Variants in KCNH7 observed in about 807,000 individuals in gnomAD.
KCNH7 encodes the protein potassium voltage-gated channel subfamily H member 7.
In KCNH7, 49 loss-of-function variants were observed where a neutral mutation model predicts 120.8. The observed-to-expected ratio is 0.41, with a 90% CI of 0.32 to 0.51. The LOEUF is 0.51. KCNH7 is among the 20% of genes least tolerant of loss of function. The probability of loss-of-function intolerance (pLI) is 0.38; values close to 1 mark genes in which losing one functional copy is unlikely to be tolerated. For synonymous variants in KCNH7, 547 were observed against 516.1 expected, an observed-to-expected ratio of 1.06 and a Z score of -0.81; for missense variants, 1,097 against 1,446.6, an observed-to-expected ratio of 0.76 and a Z score of 3.92.
chr2:162,389,428 C>A (rs1022478610), intron 12 of KCNH7, among the ~76,000 whole-genome samples: 10 of 151,932 alleles, frequency 6.6e-5, no homozygotes, highest in Admixed American at 2.6e-4. Flanking sequence ...AGGCTACTTG[C>A]CGACTTTATT....
intron 2 of KCNH7, among the ~76,000 whole-genome samples, chr2:162,598,653 A>G (rs562905709): frequency 6.6e-6 from 1 of 152,246 alleles, no homozygotes; most frequent in Non-Finnish European, 1.5e-5. Flanking sequence ...TGTATTTATA[A>G]CTATAAAAGC....
chr2:162,730,274 G>T (rs1377748761), intron 2 of KCNH7, among the ~76,000 whole-genome samples: 1 of 150,688 alleles, frequency 6.6e-6, no homozygotes, highest in Admixed American at 6.6e-5. Context: ...ATGATTGAGG[G>T]TTTCCCAGAA....
intron 6 of KCNH7, among the ~76,000 whole-genome samples, chr2:162,470,590 G>A (rs1298609279): frequency 5.9e-5 from 9 of 151,380 alleles, no homozygotes; most frequent in Non-Finnish European, 1.0e-4. Flanking sequence ...GTCAGCCCCC[G>A]CCAGGCCGGC....
intron 2 of KCNH7, among the ~76,000 whole-genome samples, chr2:162,615,843 T>C (rs959417211): frequency 6.6e-6 from 1 of 152,184 alleles, no homozygotes; most frequent in Non-Finnish European, 1.5e-5. Flanking sequence ...TGCAGAAATG[T>C]ACTAATGATC....
chr2:162,695,309 T>C (rs1463001470), intron 2 of KCNH7, among the ~76,000 whole-genome samples: 1 of 152,150 alleles, frequency 6.6e-6, no homozygotes, highest in Non-Finnish European at 1.5e-5. Context: ...TAGTAACCAG[T>C]TATTGGATTT....
At chr2:162,410,310 A>G (rs1687347820) in intron 9 of KCNH7, among the ~76,000 whole-genome samples, 1 of 152,112 alleles carries the variant, frequency 6.6e-6, no homozygotes, top group African/African-American at 2.4e-5. Context: ...CAAAGCTGAC[A>G]ATAACAAACA....
chr2:162,439,270 T>C (rs183934136), intron 7 of KCNH7, among the ~76,000 whole-genome samples: 96 of 152,250 alleles, frequency 6.3e-4, no homozygotes, highest in Admixed American at 4.1e-3. Flanking sequence ...TAGAAAAATA[T>C]TGTCTGTTTA....
intron 2 of KCNH7, among the ~76,000 whole-genome samples, chr2:162,621,098 A>G (rs567347545): frequency 6.6e-5 from 10 of 151,898 alleles, no homozygotes; most frequent in African/African-American, 1.7e-4. Flanking sequence ...TGGTGTGTGT[A>G]TATATTCATT....
At chr2:162,501,848 A>G (rs2105746661) in intron 6 of KCNH7, 1 of 152,220 alleles carries the variant, frequency 6.6e-6, no homozygotes, top group Non-Finnish European at 1.5e-5. Context: ...TGGTGGGTAC[A>G]CAAACATTAG....
intron 9 of KCNH7, among the ~76,000 whole-genome samples, chr2:162,416,808 G>C (rs796315402): frequency 6.6e-6 from 1 of 152,080 alleles, no homozygotes; most frequent in South Asian, 2.1e-4. Flanking sequence ...TAAGGTGAAC[G>C]TAGAGTTATG....
At chr2:162,522,130 T>G (rs999857241) in intron 3 of KCNH7, among the ~76,000 whole-genome samples, 4 of 151,940 alleles carry the variant, frequency 2.6e-5, no homozygotes, top group African/African-American at 4.8e-5. Context: ...TAATAACTTT[T>G]ATATGCTCAA....
intron 2 of KCNH7, among the ~76,000 whole-genome samples, chr2:162,731,397 T>C (rs1048648028): frequency 6.6e-6 from 1 of 151,208 alleles, no homozygotes; most frequent in Non-Finnish European, 1.5e-5. Flanking sequence ...TAAAAGAAAA[T>C]AAAAGGTAAA....
intron 2 of KCNH7, among the ~76,000 whole-genome samples, chr2:162,596,079 A>C (rs1694369467): frequency 6.6e-6 from 1 of 152,050 alleles, no homozygotes; most frequent in Admixed American, 6.6e-5. Flanking sequence ...AGAGGAAAGA[A>C]ATTCTGTGTC....
intron 2 of KCNH7, chr2:162,796,134 G>C (rs1684137505): frequency 6.6e-6 from 1 of 152,046 alleles, no homozygotes; most frequent in Non-Finnish European, 1.5e-5. Flanking sequence ...CAAAGAAACA[G>C]CATGGAAACT....
At chr2:162,695,846 A>G (rs973732540) in intron 2 of KCNH7, among the ~76,000 whole-genome samples, 1 of 152,166 alleles carries the variant, frequency 6.6e-6, no homozygotes, top group African/African-American at 2.4e-5. Context: ...ATGTCCATAT[A>G]AAAGTGGGGT....
chr2:162,691,287 A>G (rs904465300), intron 2 of KCNH7, among the ~76,000 whole-genome samples: 1 of 152,150 alleles, frequency 6.6e-6, no homozygotes. Flanking sequence ...ATTTAACTTC[A>G]TGGACTCCAT....
intron 2 of KCNH7, among the ~76,000 whole-genome samples, chr2:162,665,437 A>C (rs1685101021): frequency 6.6e-6 from 1 of 152,150 alleles, no homozygotes; most frequent in African/African-American, 2.4e-5. Context: ...CAAGATTTTA[A>C]ATATAGCTCA....
chr2:162,371,593 T>C lies in KCNH7; in HGVS notation c.*236A>G, dbSNP rs1470308721. The stretch of plus-strand genomic sequence containing the variant: ...TGATTTAAAAAATAAAAATAAAAAA[T>C]AAGGTGCCGTGAGATGCTGGCAGTT... On this transcript the variant is annotated 3_prime_UTR_variant, in exon 16 of 16. Coordinates refer to ENST00000332142, the MANE Select transcript of KCNH7 (RefSeq NM_033272.4). The C allele has an allele frequency of 9.3e-6, 8 of 861,616 alleles. No homozygotes were observed. In the Admixed American group the frequency reaches 9.9e-5, roughly 11 times the overall value. The allele number at this position is 861,616 out of a possible 1,614,324, so 53.4% of individuals were successfully genotyped here. A position where few individuals can be genotyped will look rare whatever the true frequency, so the allele number is the denominator to read the frequency against.
At chr2:162,520,768 C>A (rs1014260956) in intron 3 of KCNH7, among the ~76,000 whole-genome samples, 4 of 151,770 alleles carry the variant, frequency 2.6e-5, no homozygotes, top group African/African-American at 9.7e-5. Flanking sequence ...GACCCTATCT[C>A]TAAAGAAAGA....
Sources: allele counts gnomAD v4.1 joint callset (sites outside exome capture counted in the v4.1 genomes callset), GRCh38; gene constraint gnomAD v4.1.1; transcripts MANE v1.5; gene names NCBI Gene and HGNC (gene_info 2026-07-23, HGNC 2026-07-21).